The following PALM2AKAP2 variants were observed in gnomAD, a reference collection of about 807,000 sequenced individuals.
PALM2AKAP2 encodes PALM2 and AKAP2 fusion, also known as PALM2-AKAP2 fusion protein.
PALM2AKAP2 carries 37 observed loss-of-function variants against 71.5 expected under a neutral mutation model. The observed-to-expected ratio is 0.52, with a 90% CI of 0.40 to 0.68. PALM2AKAP2 has a LOEUF of 0.68. Ranked by LOEUF, PALM2AKAP2 falls within the 30% of genes least tolerant of loss-of-function variation. The pLI is 0.00. For missense variants in PALM2AKAP2, 1,224 were observed against 1,191.8 expected (o/e 1.03, Z -0.40); for synonymous variants, 468 against 478.8 (o/e 0.98, Z 0.29).
intron 3 of PALM2AKAP2, among the ~76,000 whole-genome samples, chr9:110,162,908 C>T (rs1031823383): frequency 7.2e-5 from 11 of 151,734 alleles, no homozygotes; most frequent in African/African-American, 1.5e-4. Context: ...ACGGGGGTCT[C>T]GCTATGTTGC....
chr9:109,841,162 T>C (rs1828653067), intron 1 of PALM2AKAP2, among the ~76,000 whole-genome samples: 1 of 152,088 alleles, frequency 6.6e-6, no homozygotes, highest in African/African-American at 2.4e-5. Context: ...GTGGCAGATA[T>C]ACACCATGGA....
chr9:109,747,829 C>A (rs921739228), intron 1 of PALM2AKAP2, among the ~76,000 whole-genome samples: 1 of 152,146 alleles, frequency 6.6e-6, no homozygotes, highest in African/African-American at 2.4e-5. Context: ...ACCACCAGGC[C>A]TGGCTAATTT....
chr9:109,985,232 C>G (rs147519679), intron 6 of PALM2AKAP2, among the ~76,000 whole-genome samples: 1 of 152,056 alleles, frequency 6.6e-6, no homozygotes, highest in East Asian at 1.9e-4. Flanking sequence ...TGCACGTTAC[C>G]TTTTTAAAAG....
intron 6 of PALM2AKAP2, among the ~76,000 whole-genome samples, chr9:109,947,232 G>T (rs1384046861): frequency 6.6e-6 from 1 of 152,146 alleles, no homozygotes; most frequent in African/African-American, 2.4e-5. Flanking sequence ...TGCTTAAAAC[G>T]TCTACCTATT....
At chr9:110,003,915 A>T (rs891738303) in intron 6 of PALM2AKAP2, among the ~76,000 whole-genome samples, 3 of 152,076 alleles carry the variant, frequency 2.0e-5, no homozygotes, top group Non-Finnish European at 4.4e-5. Flanking sequence ...TTTTGAGCCT[A>T]TGTGTGTCTC....
chr9:109,879,537 C>CA (rs778649761), intron 2 of PALM2AKAP2, among the ~76,000 whole-genome samples: 11 of 152,208 alleles, frequency 7.2e-5, no homozygotes, highest in Non-Finnish European at 1.5e-4. Flanking sequence ...ATCTACCTCT[C>CA]CTTGCTCTTC....
chr9:109,880,511 A>T lies in PALM2AKAP2; in HGVS notation c.127-40A>T, dbSNP rs749271648. 3 of 1,609,328 alleles carry T rather than the reference A, an allele frequency of 1.9e-6. No individual in the cohort carries two copies. The East Asian group carries it at 6.7e-5, about 36-fold the overall frequency. ...AGAGGGAGAGGACAGTGTGGACTGAAAAGTATCATCTTGTCTGTTGTCTTC... is the reference window on the plus strand; with the variant it reads ...AGAGGGAGAGGACAGTGTGGACTGATAAGTATCATCTTGTCTGTTGTCTTC... On this transcript the variant is annotated intron_variant, in intron 2 of 9. Transcript: ENST00000302798.
In PALM2AKAP2 at chr9:110,035,842, A is replaced by AAC. The variant is rs560145252; in HGVS notation, c.582+19804_582+19805insCA. Among the ~76,000 whole-genome samples, 432 of 134,312 alleles carry AAC rather than the reference A, an allele frequency of 3.2e-3. 3 individuals are homozygous for AAC. Among genetic ancestry groups the AAC allele is most frequent in the South Asian group, 4.1e-3 (18 of 4,420 alleles). 88.1% of individuals were successfully genotyped at this position (134,312 alleles called of 152,430 possible). A position where few individuals can be genotyped will look rare whatever the true frequency, so the allele number is the denominator to read the frequency against. On this transcript the variant is annotated intron_variant, in intron 7 of 9. Coordinates refer to the PALM2AKAP2 transcript ENST00000302798. ...ATATGATATGTTGTGTGTTATATAT[A>AAC]ATATATATGATATGTTGTGTGTTAT...
chr9:110,038,922 C>G (rs970444387), intron 7 of PALM2AKAP2, among the ~76,000 whole-genome samples: 12 of 85,688 alleles, frequency 1.4e-4, no homozygotes, highest in African/African-American at 8.1e-4. Context: ...GCAACAAGAG[C>G]AAAACTCGGT....
intron 6 of PALM2AKAP2, among the ~76,000 whole-genome samples, chr9:110,006,363 T>TTTCTTTC (rs1487531990): frequency 2.5e-4 from 37 of 149,950 alleles, no homozygotes; most frequent in Non-Finnish European, 5.0e-4. Context: ...TCTTTCTTTC[T>TTTCTTTC]TTCTTTCTTC....
In PALM2AKAP2 at chr9:109,740,598, A is replaced by C. The variant is rs1364199432; in HGVS notation, c.6-39890A>C. ...GTGAGGTCTGGAATGGTAGAAGACG[A>C]GGTCTGGGGAGGTTGCAGGGACCAG... On this transcript the variant is annotated intron_variant, in intron 1 of 6. Transcript: ENST00000374531. Among the ~76,000 whole-genome samples, 3 of 152,296 alleles carry C rather than the reference A, an allele frequency of 2.0e-5. No individual in the cohort carries two copies. In the East Asian group the frequency reaches 5.8e-4, roughly 29 times the overall value.
At chr9:110,026,088 T>G (rs1178793733) in intron 7 of PALM2AKAP2, among the ~76,000 whole-genome samples, 1 of 152,088 alleles carries the variant, frequency 6.6e-6, no homozygotes, top group African/African-American at 2.4e-5. Context: ...TTTATTTATT[T>G]CTTTCTTTCT....
chr9:110,098,114 C>T (rs572459474), intron 1 of PALM2AKAP2, among the ~76,000 whole-genome samples: 1 of 131,948 alleles, frequency 7.6e-6, no homozygotes, highest in East Asian at 2.0e-4. Flanking sequence ...GGCAGCAGTA[C>T]AGTCCAGCTT....
chr9:109,956,346 T>TA (rs1228871897), intron 6 of PALM2AKAP2, among the ~76,000 whole-genome samples: 5 of 151,876 alleles, frequency 3.3e-5, no homozygotes, highest in Non-Finnish European at 5.9e-5. Context: ...TTTCCCAAAT[T>TA]AAAAAAAATA....
intron 1 of PALM2AKAP2, among the ~76,000 whole-genome samples, chr9:109,742,601 A>T (rs1828732248): frequency 6.6e-6 from 1 of 152,148 alleles, no homozygotes; most frequent in Non-Finnish European, 1.5e-5. Context: ...ACATACTATG[A>T]CCATTTCCAC....
intron 1 of PALM2AKAP2, among the ~76,000 whole-genome samples, chr9:109,666,103 C>T (rs2118473090): frequency 6.6e-6 from 1 of 152,332 alleles, no homozygotes; most frequent in South Asian, 2.1e-4. Context: ...CATGGCTTCC[C>T]TTGGCTAGGA....
chr9:109,989,912 T>C (rs1429946320), intron 6 of PALM2AKAP2, among the ~76,000 whole-genome samples: 2 of 152,202 alleles, frequency 1.3e-5, no homozygotes, highest in Non-Finnish European at 2.9e-5. Flanking sequence ...TCCACGTCAG[T>C]TAAGGATTGT....
chr9:109,658,306 G>T (rs1827338153), intron 1 of PALM2AKAP2, among the ~76,000 whole-genome samples: 1 of 152,022 alleles, frequency 6.6e-6, no homozygotes, highest in African/African-American at 2.4e-5. Context: ...TATAGACAGA[G>T]ACAAGATTCA....
chr9:110,145,916 T>C (rs1368876852), intron 2 of PALM2AKAP2, among the ~76,000 whole-genome samples: 1 of 128,874 alleles, frequency 7.8e-6, no homozygotes, highest in Non-Finnish European at 1.6e-5. Flanking sequence ...TTTTTTTTTT[T>C]GAGATGGAGT....
Sources: allele counts gnomAD v4.1 joint callset (sites outside exome capture counted in the v4.1 genomes callset), GRCh38; gene constraint gnomAD v4.1.1; transcripts MANE v1.5; gene names NCBI Gene and HGNC (gene_info 2026-07-23, HGNC 2026-07-21).